Variants in LRP1B observed in about 807,000 individuals in gnomAD.
LRP1B encodes the protein LDL receptor related protein 1B.
LRP1B carries 217 observed loss-of-function variants against 556.6 expected under a neutral mutation model. That is an observed-to-expected ratio of 0.39 (90% CI 0.35 to 0.44). The LOEUF (loss-of-function observed/expected upper bound fraction) is 0.44. Ranked by LOEUF, LRP1B falls within the 20% of genes least tolerant of loss-of-function variation. The pLI is 1.00. For missense variants in LRP1B, 5,053 were observed against 5,620.8 expected (o/e 0.90, Z 3.23); for synonymous variants, 2,047 against 1,865.8 (o/e 1.10, Z -2.50).
At chr2:140,241,850 C>T (rs911138814) in intron 87 of LRP1B, among the ~76,000 whole-genome samples, 2 of 150,744 alleles carry the variant, frequency 1.3e-5, no homozygotes, top group Non-Finnish European at 3.0e-5. Context: ...AATGATCAAT[C>T]CCTATTGCAG....
chr2:140,397,080 T>C (rs181963211), intron 66 of LRP1B, among the ~76,000 whole-genome samples: 75 of 152,354 alleles, frequency 4.9e-4, no homozygotes, highest in African/African-American at 1.7e-3. Context: ...TATGGAAGAT[T>C]AGAAGACCTC....
intron 2 of LRP1B, among the ~76,000 whole-genome samples, chr2:141,775,731 T>C (rs1695045720): frequency 6.6e-6 from 1 of 152,190 alleles, no homozygotes; most frequent in African/African-American, 2.4e-5. Flanking sequence ...CTTAATTACA[T>C]AATTGTCCTT....
At chr2:141,325,456 A>T (rs942539572) in intron 3 of LRP1B, among the ~76,000 whole-genome samples, 1 of 152,294 alleles carries the variant, frequency 6.6e-6, no homozygotes, top group Non-Finnish European at 1.5e-5. Context: ...TATATGCAAC[A>T]TATATCTCTT....
At chr2:140,350,467 A>G (rs574918480) in intron 77 of LRP1B, among the ~76,000 whole-genome samples, 3 of 152,164 alleles carry the variant, frequency 2.0e-5, no homozygotes, top group Admixed American at 1.3e-4. Flanking sequence ...GATGTTTCCC[A>G]ATCTCATCTC....
At chr2:140,661,945 A>G (rs1049563454) in intron 41 of LRP1B, among the ~76,000 whole-genome samples, 1 of 152,200 alleles carries the variant, frequency 6.6e-6, no homozygotes, top group Non-Finnish European at 1.5e-5. Flanking sequence ...TAATTGAAAC[A>G]CTTGACATAA....
chr2:140,388,422 T>A (rs867693318), intron 66 of LRP1B, among the ~76,000 whole-genome samples: 49 of 152,062 alleles, frequency 3.2e-4, no homozygotes, highest in Admixed American at 2.0e-4. Flanking sequence ...TGTTTTATAT[T>A]TTTTTTTCTA....
chr2:141,753,197 C>T (rs561073179), intron 2 of LRP1B, among the ~76,000 whole-genome samples: 1 of 136,812 alleles, frequency 7.3e-6, no homozygotes, highest in South Asian at 2.4e-4. Context: ...GCGGTGAGCC[C>T]AGATTGCACC....
intron 67 of LRP1B, among the ~76,000 whole-genome samples, chr2:140,380,346 G>A (rs1368819625): frequency 6.6e-6 from 1 of 152,088 alleles, no homozygotes; most frequent in African/African-American, 2.4e-5. Context: ...AAAGCCCTGG[G>A]AAGCCAAGTT....
chr2:141,983,856 T>A (rs1289225829), intron 1 of LRP1B, among the ~76,000 whole-genome samples: 1 of 151,854 alleles, frequency 6.6e-6, no homozygotes, highest in East Asian at 1.9e-4. Flanking sequence ...AGGTCAGGAG[T>A]TCGACACCGG....
intron 84 of LRP1B, among the ~76,000 whole-genome samples, chr2:140,284,993 C>T (rs1364314036): frequency 7.0e-6 from 1 of 142,508 alleles, no homozygotes; most frequent in East Asian, 2.1e-4. Context: ...TGTTCATATC[C>T]ATATACCTAG....
rs141042797 is a variant in LRP1B, at chr2:141,725,019, G to A, written c.205+85260C>T. Among the ~76,000 whole-genome samples, 515 of 151,878 alleles carry A rather than the reference G, an allele frequency of 3.4e-3. 2 individuals are homozygous for A. Among genetic ancestry groups the A allele is most frequent in the African/African-American group, 0.012 (494 of 41,480 alleles). On this transcript the variant is annotated intron_variant, in intron 2 of 90. Transcript: ENST00000389484. ...GCCTTTTATGTCTCCTGGTCATTAG[G>A]TATAGCAATTAAAATTAAGTTAAAT...
At chr2:141,859,370 T>C (rs575187700) in intron 1 of LRP1B, among the ~76,000 whole-genome samples, 2 of 152,272 alleles carry the variant, frequency 1.3e-5, no homozygotes, top group South Asian at 4.1e-4. Context: ...TGGGCCATCC[T>C]CTCAGCATTG....
chr2:141,545,419 A>G (rs1175630553), intron 2 of LRP1B, among the ~76,000 whole-genome samples: 1 of 152,216 alleles, frequency 6.6e-6, no homozygotes, highest in Non-Finnish European at 1.5e-5. Context: ...CCATGTCTTA[A>G]TGCCCAGAAC....
intron 41 of LRP1B, among the ~76,000 whole-genome samples, chr2:140,667,115 C>A (rs1209218401): frequency 6.6e-6 from 1 of 152,120 alleles, no homozygotes; most frequent in Non-Finnish European, 1.5e-5. Flanking sequence ...TGTGACCCTA[C>A]GTAACATCTG....
intron 41 of LRP1B, among the ~76,000 whole-genome samples, chr2:140,693,009 T>G (rs1686300540): frequency 6.6e-6 from 1 of 152,162 alleles, no homozygotes; most frequent in African/African-American, 2.4e-5. Context: ...CTAGTATAAT[T>G]CATTAAATTC....
At position 141,327,902 on chromosome 2, in the gene LRP1B, C is replaced by G. The variant is rs2683865; in HGVS notation, c.344-73261G>C. On this transcript the variant is annotated intron_variant, in intron 3 of 90. Transcript: ENST00000389484. ...AGAGAGAGAGAGAGAGAGAGAGAGA[C>G]AGACCGACCGACCTAGTATATAGGT... 5.3e-5 allele frequency among the ~76,000 whole-genome samples: 8 copies of G among 151,128 alleles called. No individual in the cohort carries two copies. The East Asian group carries it at 7.8e-4, about 15-fold the overall frequency.
chr2:141,890,359 G>GTA (rs1168850745), intron 1 of LRP1B, among the ~76,000 whole-genome samples: 7 of 56,106 alleles, frequency 1.2e-4, no homozygotes, highest in East Asian at 7.5e-4. Flanking sequence ...TATGTATTGT[G>GTA]CATATATATA....
rs367579788 is a variant in LRP1B at position 141,248,782 on chromosome 2, G to A, written c.464-1428C>T. 9.9e-5 allele frequency among the ~76,000 whole-genome samples: 15 copies of A among 152,266 alleles called. No homozygotes were observed. In the East Asian group the frequency reaches 1.5e-3, roughly 16 times the overall value. ...ATTTTAAAACTAAAAACACTCATATGAAATAAAGGCTTTGGTAAATGTGGA... is the reference window on the plus strand; with the variant it reads ...ATTTTAAAACTAAAAACACTCATATAAAATAAAGGCTTTGGTAAATGTGGA... On this transcript the variant is annotated intron_variant, in intron 4 of 90. Transcript: ENST00000389484.
intron 84 of LRP1B, among the ~76,000 whole-genome samples, chr2:140,279,874 C>CA (rs1682841764): frequency 2.0e-5 from 3 of 151,612 alleles, no homozygotes; most frequent in Non-Finnish European, 4.4e-5. Context: ...CTTTAAGCAC[C>CA]AAAAATACTT....
Sources: gnomAD v4.1 joint callset for allele counts (sites outside exome capture counted in the v4.1 genomes callset) on GRCh38, gnomAD v4.1.1 for gene constraint, MANE v1.5 for transcripts, NCBI Gene and HGNC (gene_info 2026-07-23, HGNC 2026-07-21) for gene names.